The following GRID2 variants were observed in gnomAD, a reference collection of about 807,000 sequenced individuals.
The protein encoded by GRID2 is glutamate receptor ionotropic, delta-2.
In GRID2, 33 loss-of-function variants were observed where a neutral mutation model predicts 114.8. The observed-to-expected ratio is 0.29, with a 90% CI of 0.22 to 0.38. The LOEUF (loss-of-function observed/expected upper bound fraction) is 0.38. GRID2 is among the 10% of genes least tolerant of loss of function. The probability of loss-of-function intolerance (pLI) is 1.00; values close to 1 mark genes in which losing one functional copy is unlikely to be tolerated. For synonymous variants in GRID2, 505 were observed against 449.9 expected, an observed-to-expected ratio of 1.12 and a Z score of -1.55; for missense variants, 1,184 against 1,257.7, an observed-to-expected ratio of 0.94 and a Z score of 0.89.
intron 2 of GRID2, among the ~76,000 whole-genome samples, chr4:92,940,346 C>G (rs993817749): frequency 6.8e-6 from 1 of 146,780 alleles, no homozygotes; most frequent in African/African-American, 2.4e-5. Context: ...TGGGAGTTCA[C>G]TCATAATTTG....
intron 13 of GRID2, among the ~76,000 whole-genome samples, chr4:93,519,488 T>C (rs2149496195): frequency 6.6e-6 from 1 of 152,290 alleles, no homozygotes; most frequent in East Asian, 1.9e-4. Flanking sequence ...ATACAGCTTC[T>C]GAGAGCAGTT....
intron 2 of GRID2, among the ~76,000 whole-genome samples, chr4:92,926,884 A>G (rs1050364070): frequency 6.6e-6 from 1 of 151,890 alleles, no homozygotes; most frequent in Non-Finnish European, 1.5e-5. Context: ...TCCATTCATA[A>G]GGGCAGAGTC....
At position 93,608,502 on chromosome 4, in the gene GRID2, C is replaced by T. The variant is rs542295694; in HGVS notation, c.2194-17767C>T. Among the ~76,000 whole-genome samples the T allele has an allele frequency of 2.1e-5, 3 of 146,284 alleles. No homozygotes were observed. In the East Asian group the frequency reaches 5.9e-4, roughly 29 times the overall value. ...ACAGTCCCCAGAGTGTGATATTCCC[C>T]TTCCTGTGTCCATGTGATCTCATTG... On this transcript the variant is annotated intron_variant, in intron 13 of 15. Coordinates refer to ENST00000282020, the MANE Select transcript of GRID2 (RefSeq NM_001510.4).
At chr4:93,724,438 A>G (rs1175153560) in intron 14 of GRID2, among the ~76,000 whole-genome samples, 1 of 152,188 alleles carries the variant, frequency 6.6e-6, no homozygotes, top group Non-Finnish European at 1.5e-5. Flanking sequence ...TGTGTCACAC[A>G]TATTCTTTTG....
chr4:93,257,951 A>T (rs146281793), intron 8 of GRID2, among the ~76,000 whole-genome samples: 13 of 148,010 alleles, frequency 8.8e-5, no homozygotes, highest in Admixed American at 4.0e-4. Context: ...AAATATGTAT[A>T]TATACATATA....
At chr4:93,236,108 G>A (rs976869056) in intron 7 of GRID2, among the ~76,000 whole-genome samples, 1 of 151,954 alleles carries the variant, frequency 6.6e-6, no homozygotes, top group Non-Finnish European at 1.5e-5. Flanking sequence ...CTTACTTGTA[G>A]TAATATAAGC....
intron 8 of GRID2, among the ~76,000 whole-genome samples, chr4:93,323,927 T>C (rs1284938643): frequency 6.6e-6 from 1 of 152,224 alleles, no homozygotes; most frequent in African/African-American, 2.4e-5. Context: ...AAGTTGCTTA[T>C]CAGCTTAAGG....
At chr4:92,494,673 C>G (rs1463521077) in intron 1 of GRID2, among the ~76,000 whole-genome samples, 1 of 151,922 alleles carries the variant, frequency 6.6e-6, no homozygotes, top group Non-Finnish European at 1.5e-5. Flanking sequence ...TAAAATGGCT[C>G]TGTTGTAAAA....
chr4:93,809,031 T>C (rs1227637705), exon 2 of GRID2: 1 of 152,168 alleles, frequency 6.6e-6, no homozygotes, highest in African/African-American at 2.4e-5. Context: ...CCAACCTGAC[T>C]CTTACTTCTC....
chr4:93,053,153 T>C (rs768324827), intron 2 of GRID2, among the ~76,000 whole-genome samples: 1 of 151,898 alleles, frequency 6.6e-6, no homozygotes, highest in Non-Finnish European at 1.5e-5. Context: ...TCAATATCAA[T>C]GGTTCTTAAA....
At chr4:93,622,701 A>T (rs1742320238) in intron 13 of GRID2, among the ~76,000 whole-genome samples, 1 of 152,212 alleles carries the variant, frequency 6.6e-6, no homozygotes, top group African/African-American at 2.4e-5. Flanking sequence ...CCTCAACAAA[A>T]GACAGTAAGT....
At chr4:92,608,318 T>A (rs116764596) in intron 2 of GRID2, among the ~76,000 whole-genome samples, 229 of 151,864 alleles carry the variant, frequency 1.5e-3, no homozygotes, top group African/African-American at 5.3e-3. Context: ...AATAAAGATA[T>A]CAATCTTCAT....
At chr4:92,832,679 G>A (rs573440337) in intron 2 of GRID2, among the ~76,000 whole-genome samples, 56 of 152,182 alleles carry the variant, frequency 3.7e-4, no homozygotes, top group African/African-American at 1.2e-3. Flanking sequence ...CAAGGGTGAA[G>A]CACCACACCT....
intron 2 of GRID2, among the ~76,000 whole-genome samples, chr4:92,749,530 G>T (rs1487895241): frequency 1.3e-5 from 2 of 151,910 alleles, no homozygotes; most frequent in African/African-American, 4.8e-5. Context: ...GGCCAAGATG[G>T]TCTCCATCTC....
chr4:93,082,252 A>G (rs1729935002), intron 2 of GRID2, among the ~76,000 whole-genome samples: 1 of 152,186 alleles, frequency 6.6e-6, no homozygotes, highest in Non-Finnish European at 1.5e-5. Flanking sequence ...CAATAAAACA[A>G]TCTCAAATTG....
At chr4:92,926,401 G>A (rs1279690107) in intron 2 of GRID2, among the ~76,000 whole-genome samples, 1 of 151,958 alleles carries the variant, frequency 6.6e-6, no homozygotes, top group Middle Eastern at 3.2e-3. Context: ...ACAATGAAGA[G>A]TGACCCATTA....
intron 8 of GRID2, among the ~76,000 whole-genome samples, chr4:93,363,726 A>T (rs1405114213): frequency 2.0e-5 from 3 of 152,064 alleles, no homozygotes; most frequent in Non-Finnish European, 2.9e-5. Flanking sequence ...ATTATGAAAA[A>T]CAATACTACA....
intron 13 of GRID2, among the ~76,000 whole-genome samples, chr4:93,574,501 A>G (rs1177324301): frequency 6.6e-6 from 1 of 152,212 alleles, no homozygotes; most frequent in East Asian, 1.9e-4. Context: ...AAGGCTCACA[A>G]TCATGGCAGA....
At chr4:93,268,349 C>G (rs1341729747) in intron 8 of GRID2, among the ~76,000 whole-genome samples, 3 of 152,070 alleles carry the variant, frequency 2.0e-5, no homozygotes, top group Non-Finnish European at 4.4e-5. Flanking sequence ...ATAGGGACAC[C>G]AATCCTGTTG....
Sources: allele counts gnomAD v4.1 joint callset (sites outside exome capture counted in the v4.1 genomes callset), GRCh38; gene constraint gnomAD v4.1.1; transcripts MANE v1.5; gene names NCBI Gene and HGNC (gene_info 2026-07-23, HGNC 2026-07-21).